SNX29: variants seen among roughly 807,000 people sequenced by gnomAD.
SNX29 encodes the protein sorting nexin-29.
A neutral mutation model predicts 102.1 loss-of-function variants in SNX29; 78 were observed. The ratio of observed to expected loss-of-function variants is 0.76; its 90% CI spans 0.64 to 0.92. The LOEUF is 0.92. Among genes scored for constraint, SNX29 ranks in the 40% least tolerant of loss-of-function variants. SNX29 has a pLI of 0.00. For synonymous variants in SNX29, 580 were observed against 414.5 expected (o/e 1.40, Z -4.85); for missense variants, 1,280 against 1,061.7 (o/e 1.21, Z -2.86).
chr16:12,278,116 C>G (rs1360809676), intron 15 of SNX29, 80 bp downstream of exon 15: 3 of 1,288,130 alleles, frequency 2.3e-6, no homozygotes, highest in African/African-American at 3.0e-5. Context: ...CCAGCCTATT[C>G]TAAAGACACG....
In SNX29 at chr16:12,199,692, G is replaced by A. The variant is rs369678775; in HGVS notation, c.1678+9G>A. The A allele has an allele frequency of 2.5e-6, 4 of 1,591,298 alleles. No homozygotes were observed. Among genetic ancestry groups the A allele is most frequent in the Admixed American group, 3.4e-5 (2 of 59,602 alleles). ...AGGTCAAACAGCTGAAGGTGAGGGG[G>A]AGCCTGAGCCCGGGTTGGGAGGGGC... On this transcript the variant is annotated intron_variant, in intron 14 of 20. Coordinates refer to ENST00000566228, the MANE Select transcript of SNX29 (RefSeq NM_032167.5).
intron 13 of SNX29, among the ~76,000 whole-genome samples, chr16:12,176,053 G>A (rs1348528113): frequency 1.3e-5 from 2 of 151,926 alleles, no homozygotes; most frequent in Admixed American, 1.3e-4. Context: ...GATATCAGGG[G>A]ACACACTGGC....
At chr16:12,469,646 C>T (rs916516344) in intron 18 of SNX29, among the ~76,000 whole-genome samples, 20 of 152,142 alleles carry the variant, frequency 1.3e-4, no homozygotes, top group African/African-American at 2.4e-5. Flanking sequence ...GTGCTAGTTC[C>T]GCTGCTCACT....
chr16:12,140,991 A>G (rs1218551460), intron 13 of SNX29, among the ~76,000 whole-genome samples: 1 of 152,252 alleles, frequency 6.6e-6, no homozygotes, highest in Non-Finnish European at 1.5e-5. Context: ...TTTATAATAC[A>G]AAATAGATTT....
intron 19 of SNX29, among the ~76,000 whole-genome samples, chr16:12,495,320 T>G (rs1321587955): frequency 2.0e-5 from 3 of 151,970 alleles, no homozygotes; most frequent in African/African-American, 7.2e-5. Context: ...TCCAGCTAGT[T>G]TATGTATTTT....
chr16:12,332,117 G>C (rs1319014020), intron 15 of SNX29, among the ~76,000 whole-genome samples: 1 of 152,096 alleles, frequency 6.6e-6, no homozygotes, highest in Non-Finnish European at 1.5e-5. Context: ...TACTTTTGCT[G>C]TTACTGATGC....
intron 9 of SNX29, among the ~76,000 whole-genome samples, chr16:12,065,941 A>C (rs1356645938): frequency 6.6e-6 from 1 of 152,126 alleles, no homozygotes; most frequent in Admixed American, 6.5e-5. Flanking sequence ...AAATTAGATA[A>C]TGGTATCTGT....
intron 15 of SNX29, 108 bp from the exon 16 acceptor site, chr16:12,356,055 T>A: frequency 1.1e-6 from 1 of 951,666 alleles, no homozygotes; most frequent in Non-Finnish European, 1.6e-6. Context: ...CCCAACAGCC[T>A]ACAGATGTTT....
At chr16:12,554,941 C>T (rs142275369) in intron 20 of SNX29, among the ~76,000 whole-genome samples, 2 of 150,320 alleles carry the variant, frequency 1.3e-5, no homozygotes, top group Admixed American at 1.3e-4. Context: ...CAAGCACGGC[C>T]TCTGGAGAAA....
At chr16:12,347,231 G>C (rs962294074) in intron 15 of SNX29, among the ~76,000 whole-genome samples, 6 of 151,940 alleles carry the variant, frequency 3.9e-5, no homozygotes, top group Admixed American at 2.6e-4. Flanking sequence ...CTGTCTCGGT[G>C]GCACTTCAGG....
intron 13 of SNX29, among the ~76,000 whole-genome samples, chr16:12,168,964 C>T (rs150397871): frequency 2.0e-5 from 3 of 152,236 alleles, no homozygotes; most frequent in African/African-American, 4.8e-5. Flanking sequence ...CTGACCTGCA[C>T]GTGCTGGGGA....
At chr16:12,542,611 C>T (rs570423958) in intron 20 of SNX29, among the ~76,000 whole-genome samples, 35 of 152,282 alleles carry the variant, frequency 2.3e-4, no homozygotes, top group Admixed American at 1.8e-3. Flanking sequence ...GGATTACAGG[C>T]GTGAGCCACG....
At chr16:12,440,430 A>G (rs111774828) in intron 18 of SNX29, among the ~76,000 whole-genome samples, 3,955 of 152,142 alleles carry the variant, frequency 0.026, 177 homozygotes, top group African/African-American at 0.09. Flanking sequence ...CCAGTAATCG[A>G]CTTTCTTTTC....
intron 15 of SNX29, among the ~76,000 whole-genome samples, chr16:12,330,889 C>A (rs1596943887): frequency 6.6e-6 from 1 of 152,348 alleles, no homozygotes; most frequent in African/African-American, 2.4e-5. Flanking sequence ...TGCAAAGGCT[C>A]CTGGGGCAGA....
intron 7 of SNX29, 32 bp downstream of exon 7, chr16:12,048,652 G>A (rs747182793): frequency 1.1e-5 from 18 of 1,613,968 alleles, no homozygotes; most frequent in Non-Finnish European, 1.5e-5. Context: ...AGGCGGAGCA[G>A]AGGGAATCAG....
intron 3 of SNX29, among the ~76,000 whole-genome samples, chr16:12,007,767 T>C (rs1596575817): frequency 6.6e-6 from 1 of 152,096 alleles, no homozygotes; most frequent in Non-Finnish European, 1.5e-5. Flanking sequence ...TTCCACCACA[T>C]TGAATGCAGA....
intron 20 of SNX29, among the ~76,000 whole-genome samples, chr16:12,554,612 TCA>T (rs1491180304): frequency 6.6e-5 from 10 of 152,214 alleles, no homozygotes; most frequent in African/African-American, 2.4e-4. Context: ...AGGAGCTCAC[TCA>T]CACATACCTG....
At chr16:12,564,261 A>G (rs8057611) in intron 20 of SNX29, among the ~76,000 whole-genome samples, 32,082 of 152,184 alleles carry the variant, frequency 0.21, 4,445 homozygotes, top group Middle Eastern at 0.37. Context: ...CCTTTGGTAT[A>G]TTAGATGCCT....
At chr16:12,183,216 G>C (rs1258796887) in intron 13 of SNX29, among the ~76,000 whole-genome samples, 4 of 152,080 alleles carry the variant, frequency 2.6e-5, no homozygotes, top group Non-Finnish European at 5.9e-5. Context: ...GCTCAGGCTG[G>C]TCTTGAACTC....
Sources: gnomAD v4.1 joint callset for allele counts (sites outside exome capture counted in the v4.1 genomes callset) on GRCh38, gnomAD v4.1.1 for gene constraint, MANE v1.5 for transcripts, NCBI Gene and HGNC (gene_info 2026-07-23, HGNC 2026-07-21) for gene names.